AKT3: variants seen among roughly 807,000 people sequenced by gnomAD.
AKT3 encodes the protein AKT serine/threonine kinase 3, also known as RAC-gamma serine/threonine-protein kinase.
Under a neutral mutation model 65.3 loss-of-function variants are expected in AKT3, and 15 were observed. That is an observed-to-expected ratio of 0.23 (90% CI 0.15 to 0.35). AKT3 has a LOEUF of 0.35. AKT3 is among the 10% of genes least tolerant of loss of function. The pLI is 1.00. For synonymous variants in AKT3, 206 were observed against 183.8 expected, an observed-to-expected ratio of 1.12 and a Z score of -0.98; for missense variants, 243 against 576.5, an observed-to-expected ratio of 0.42 and a Z score of 5.92.
At chr1:243,492,150 A>G (rs3006926) in intron 13 of AKT3, among the ~76,000 whole-genome samples, 35,070 of 151,084 alleles carry the variant, frequency 0.23, 4,191 homozygotes, top group East Asian at 0.4. Context: ...TCACAACAAC[A>G]TGGCTGGCAG....
chr1:243,556,191 A>G lies in AKT3; in HGVS notation c.949-3248T>C, dbSNP rs534077294. Among the ~76,000 whole-genome samples the G allele has an allele frequency of 1.5e-3, 224 of 152,272 alleles. 1 individual carries two copies. Among genetic ancestry groups the G allele is most frequent in the Non-Finnish European group, 2.3e-3 (156 of 67,996 alleles). ...GAGGTTACAGCAGATACAAATTAAC[A>G]TTAAATATCCTGGAAATATTTGATC... On this transcript the variant is annotated intron_variant, in intron 10 of 13. Coordinates refer to ENST00000673466, the MANE Select transcript of AKT3 (RefSeq NM_005465.7).
At chr1:243,545,193 T>C (rs1479296345) in intron 12 of AKT3, among the ~76,000 whole-genome samples, 5 of 152,198 alleles carry the variant, frequency 3.3e-5, no homozygotes. Context: ...TAAAAAATTT[T>C]AACTAGTTTT....
At chr1:243,492,208 G>C (rs1179210108) in intron 13 of AKT3, among the ~76,000 whole-genome samples, 1 of 151,324 alleles carries the variant, frequency 6.6e-6, no homozygotes, top group Non-Finnish European at 1.5e-5. Flanking sequence ...TTTTGGCCAC[G>C]AGAACCCCCA....
chr1:243,815,508 C>T (rs1057252102), intron 2 of AKT3, among the ~76,000 whole-genome samples: 11 of 151,794 alleles, frequency 7.2e-5, no homozygotes, highest in African/African-American at 2.7e-4. Context: ...CATGCTTTCA[C>T]TAATGTTTCA....
At chr1:243,723,596 C>A (rs1285399056) in intron 2 of AKT3, among the ~76,000 whole-genome samples, 1 of 152,122 alleles carries the variant, frequency 6.6e-6, no homozygotes, top group African/African-American at 2.4e-5. Flanking sequence ...ATCCAGCCAC[C>A]AACCCCTATG....
At chr1:243,527,149 G>T (rs2148402361) in intron 12 of AKT3, among the ~76,000 whole-genome samples, 1 of 152,264 alleles carries the variant, frequency 6.6e-6, no homozygotes, top group South Asian at 2.1e-4. Flanking sequence ...GTAAGGTCTG[G>T]AAGATTCACT....
intron 12 of AKT3, among the ~76,000 whole-genome samples, chr1:243,544,279 G>A (rs1029543033): frequency 1.3e-5 from 2 of 148,614 alleles, no homozygotes; most frequent in South Asian, 2.2e-4. Context: ...GGGGAGGGGG[G>A]GACAGACATA....
chr1:243,786,639 A>G (rs564178333), intron 2 of AKT3, among the ~76,000 whole-genome samples: 1 of 152,258 alleles, frequency 6.6e-6, no homozygotes, highest in South Asian at 2.1e-4. Context: ...AAGCAAATAA[A>G]AGTAAACCAG....
At chr1:243,571,539 A>T (rs746409495) in intron 9 of AKT3, among the ~76,000 whole-genome samples, 2 of 152,320 alleles carry the variant, frequency 1.3e-5, no homozygotes, top group Middle Eastern at 3.4e-3. Flanking sequence ...CCATGCTTCT[A>T]TCCTTCCCCT....
chr1:243,591,855 G>A (rs1438640621), intron 8 of AKT3, among the ~76,000 whole-genome samples: 2 of 151,766 alleles, frequency 1.3e-5, no homozygotes, highest in East Asian at 1.9e-4. Flanking sequence ...TAAAGACAGA[G>A]AAAAGACTGA....
Position 243,576,171 on chromosome 1 carries a change from A to C in AKT3, c.697-3123T>G, listed in dbSNP as rs117183265. Among the ~76,000 whole-genome samples the C allele has an allele frequency of 2.5e-3, 378 of 152,276 alleles. 13 individuals carry two copies. In the East Asian group the frequency reaches 0.068, roughly 27 times the overall value. On this transcript the variant is annotated intron_variant, in intron 8 of 13. Coordinates refer to ENST00000673466, the MANE Select transcript of AKT3 (RefSeq NM_005465.7). ...CTCAATAGACACAGAAAAGGCCTTC[A>C]AAAAAATTCAACATCGCTTCATGTT... is the stretch of plus-strand genomic sequence containing the variant.
chr1:243,538,387 G>C (rs957167833), intron 12 of AKT3, among the ~76,000 whole-genome samples: 1 of 149,092 alleles, frequency 6.7e-6, no homozygotes, highest in African/African-American at 2.5e-5. Context: ...AGAAAAAAAG[G>C]AACAAAGAAA....
chr1:243,720,499 G>C (rs1014277611), intron 2 of AKT3, among the ~76,000 whole-genome samples: 2 of 146,336 alleles, frequency 1.4e-5, no homozygotes, highest in Non-Finnish European at 3.0e-5. Context: ...TAAAAGCTAA[G>C]TATAATATAA....
At position 243,504,849 on chromosome 1, in the gene AKT3, A is replaced by G. The variant is rs1669564210; in HGVS notation, c.*400T>C. The G allele has an allele frequency of 4.3e-6, 1 of 230,792 alleles. No individual in the cohort carries two copies. Among genetic ancestry groups the G allele is most frequent in the Non-Finnish European group, 8.5e-6 (1 of 117,122 alleles). 14.3% of individuals were successfully genotyped at this position (230,792 alleles called of 1,614,324 possible). A position where few individuals can be genotyped will look rare whatever the true frequency, so the allele number is the denominator to read the frequency against. On this transcript the variant is annotated 3_prime_UTR_variant, in exon 14 of 14. Coordinates refer to ENST00000673466, the MANE Select transcript of AKT3 (RefSeq NM_005465.7). ...TTAGTTTTTCTCTTCTAGAAAGTTAAAAAATGTACCTAGAATCAGTGTATC... is the reference window on the plus strand; with the variant it reads ...TTAGTTTTTCTCTTCTAGAAAGTTAGAAAATGTACCTAGAATCAGTGTATC...
intron 2 of AKT3, among the ~76,000 whole-genome samples, chr1:243,747,674 G>A (rs1400269337): frequency 1.3e-5 from 2 of 152,096 alleles, no homozygotes; most frequent in South Asian, 2.1e-4. Context: ...TTAGTAAATA[G>A]GTACCTTTGC....
intron 2 of AKT3, among the ~76,000 whole-genome samples, chr1:243,703,970 AT>A (rs1045234547): frequency 6.6e-6 from 1 of 152,088 alleles, no homozygotes; most frequent in African/African-American, 2.4e-5. Context: ...TTAGGTTATC[AT>A]TTATCTTTTA....
chr1:243,628,160 C>T (rs1360562670), intron 6 of AKT3, among the ~76,000 whole-genome samples: 1 of 152,130 alleles, frequency 6.6e-6, no homozygotes, highest in African/African-American at 2.4e-5. Context: ...AAGGACATAA[C>T]ATAATCCTAA....
intron 1 of AKT3, among the ~76,000 whole-genome samples, chr1:243,849,782 G>A (rs1208744605): frequency 6.6e-6 from 1 of 151,718 alleles, no homozygotes; most frequent in Non-Finnish European, 1.5e-5. Context: ...CCGCCCCCCA[G>A]CTTTCCCCGG....
intron 12 of AKT3, among the ~76,000 whole-genome samples, chr1:243,538,856 A>T (rs1672104892): frequency 6.6e-6 from 1 of 152,096 alleles, no homozygotes; most frequent in Non-Finnish European, 1.5e-5. Flanking sequence ...AAAGAAAAAA[A>T]GATGAGGTAA....
Sources: gnomAD v4.1 joint callset for allele counts (sites outside exome capture counted in the v4.1 genomes callset) on GRCh38, gnomAD v4.1.1 for gene constraint, MANE v1.5 for transcripts, NCBI Gene and HGNC (gene_info 2026-07-23, HGNC 2026-07-21) for gene names.